NXPE2: variants seen among roughly 807,000 people sequenced by gnomAD.
The protein encoded by NXPE2 is neurexophilin and PC-esterase domain family member 2.
In NXPE2, 34 loss-of-function variants were observed where a neutral mutation model predicts 34.4. The observed-to-expected ratio is 0.99, with a 90% CI of 0.75 to 1.31. NXPE2 has a LOEUF of 1.31. Among genes scored for constraint, NXPE2 ranks in the 40% most tolerant of loss-of-function variants. The probability of loss-of-function intolerance (pLI) is 0.00; values close to 1 mark genes in which losing one functional copy is unlikely to be tolerated. For synonymous variants in NXPE2, 235 were observed against 231.3 expected, an observed-to-expected ratio of 1.02 and a Z score of -0.15; for missense variants, 649 against 672.5, an observed-to-expected ratio of 0.97 and a Z score of 0.39.
chr11:114,754,266 C>T, the NXPE2 span, among the ~76,000 whole-genome samples: 1 of 152,094 alleles, frequency 6.6e-6, no homozygotes, highest in African/African-American at 2.4e-5. Flanking sequence ...CTGGGCATCC[C>T]TGACCTCAAA....
chr11:114,570,855 A>G, the NXPE2 span: 1 of 953,422 alleles, frequency 1.0e-6, no homozygotes, highest in Non-Finnish European at 1.5e-6. Context: ...GGGAATTCAG[A>G]GCCAAACACA....
the NXPE2 span, among the ~76,000 whole-genome samples, chr11:114,493,248 C>G: frequency 6.6e-6 from 1 of 151,960 alleles, no homozygotes; most frequent in African/African-American, 2.4e-5. Context: ...ATTATTTTGT[C>G]TTTTTGTTTT....
chr11:114,785,368 C>T, the NXPE2 span, among the ~76,000 whole-genome samples: 2 of 152,122 alleles, frequency 1.3e-5, no homozygotes, highest in East Asian at 1.9e-4. Context: ...TCTACCTGCT[C>T]TTTCCTTGAC....
chr11:114,636,044 C>G, the NXPE2 span, among the ~76,000 whole-genome samples: 1 of 151,870 alleles, frequency 6.6e-6, no homozygotes, highest in Non-Finnish European at 1.5e-5. Context: ...GGAACGGTAC[C>G]AGTTCCTCCT....
chr11:114,659,297 C>A, the NXPE2 span, among the ~76,000 whole-genome samples: 1 of 151,924 alleles, frequency 6.6e-6, no homozygotes, highest in Non-Finnish European at 1.5e-5. Flanking sequence ...TCAGAGATGA[C>A]CAAATGTTGG....
the NXPE2 span, among the ~76,000 whole-genome samples, chr11:114,745,506 C>T: frequency 6.6e-6 from 1 of 152,184 alleles, no homozygotes; most frequent in African/African-American, 2.4e-5. Flanking sequence ...CCAGGCCCAC[C>T]TCCAATACTG....
At chr11:114,661,652 G>C in the NXPE2 span, among the ~76,000 whole-genome samples, 1 of 152,186 alleles carries the variant, frequency 6.6e-6, no homozygotes, top group South Asian at 2.1e-4. Context: ...CTTTATCTCA[G>C]GATTTTGCAT....
chr11:114,583,892 A>T, the NXPE2 span: 2 of 393,614 alleles, frequency 5.1e-6, no homozygotes, highest in Admixed American at 3.2e-5. Context: ...CTTATGGGTT[A>T]TTGGGGCTGG....
At chr11:114,721,423 A>G in the NXPE2 span, among the ~76,000 whole-genome samples, 5 of 152,094 alleles carry the variant, frequency 3.3e-5, no homozygotes, top group East Asian at 5.8e-4. Flanking sequence ...TTGTAACTAT[A>G]TGGATACAAC....
chr11:114,666,955 G>A, the NXPE2 span, among the ~76,000 whole-genome samples: 1 of 152,030 alleles, frequency 6.6e-6, no homozygotes, highest in African/African-American at 2.4e-5. Context: ...ACACACATAT[G>A]TCCACACCCA....
the NXPE2 span, among the ~76,000 whole-genome samples, chr11:114,516,347 T>G: frequency 0.98 from 148,460 of 152,232 alleles, 72,418 homozygotes; most frequent in East Asian, 1. Context: ...AGTAGGAGTC[T>G]CAAGTTAAGA....
the NXPE2 span, among the ~76,000 whole-genome samples, chr11:114,773,288 C>CCA: frequency 1.0e-5 from 1 of 95,870 alleles, no homozygotes; most frequent in Non-Finnish European, 2.2e-5. Flanking sequence ...CACCCCCCCC[C>CCA]CACCCCATTC....
the NXPE2 span, among the ~76,000 whole-genome samples, chr11:114,499,085 A>C: frequency 6.6e-6 from 1 of 152,102 alleles, no homozygotes; most frequent in Non-Finnish European, 1.5e-5. Flanking sequence ...ATCCAGATGA[A>C]CTGTTTTCTC....
At position 114,698,140 on chromosome 11, in the gene NXPE2, AC is replaced by A; in HGVS notation, c.230del (p.Pro77GlnfsTer8). The A allele has an allele frequency of 6.2e-7, 1 of 1,614,150 alleles. No homozygotes were observed. Among genetic ancestry groups the A allele is most frequent in the African/African-American group, 1.3e-5 (1 of 75,070 alleles). On this transcript the variant is annotated frameshift_variant, in exon 3 of 6. Transcript: ENST00000389586. LOFTEE classifies it high-confidence loss of function. ...SETPLCPAVS[P>X]KETELRIKDI... ...AAACACCACTGTGTCCAGCAGTTTC[AC>A]CAAAAGAGACTGAACTTAGAATAAA...
chr11:114,669,156 C>G, the NXPE2 span, among the ~76,000 whole-genome samples: 1 of 152,072 alleles, frequency 6.6e-6, no homozygotes, highest in Non-Finnish European at 1.5e-5. Context: ...GGACCCTCTC[C>G]CCAGTGGAAC....
At position 114,698,283 on chromosome 11, in the gene NXPE2, G is replaced by T; in HGVS notation, c.371G>T (p.Cys124Phe). 1 of 1,613,568 alleles carries T rather than the reference G, an allele frequency of 6.2e-7. No homozygotes were observed. Among genetic ancestry groups the T allele is most frequent in the African/African-American group, 1.3e-5 (1 of 75,048 alleles). The change falls in exon 3 of 6, where the codon TGC becomes TTC. Residue 124 changes from cysteine to phenylalanine, a missense_variant. Physicochemically the swap from Cys to Phe is radical, Grantham distance 205. Transcript: ENST00000389586. ...ATCCTCAACCCTCAAGATACGTACT[G>T]CAGGGGGGATCAGCTGGACATCCTT... ...ATILNPQDTY[C>F]RGDQLDILLE... is the part of the protein sequence containing the mutation.
the NXPE2 span, among the ~76,000 whole-genome samples, chr11:114,548,496 A>G: frequency 1.3e-5 from 2 of 152,138 alleles, no homozygotes; most frequent in Non-Finnish European, 2.9e-5. Flanking sequence ...GGTATTTAAT[A>G]GAGATTTATG....
the NXPE2 span, chr11:114,551,443 T>C: frequency 1.6e-6 from 2 of 1,247,090 alleles, no homozygotes. Flanking sequence ...TCCAGGACCC[T>C]GAAATGGAAG....
At chr11:114,522,268 G>T in the NXPE2 span, 3 of 1,614,070 alleles carry the variant, frequency 1.9e-6, 1 homozygote, top group South Asian at 3.3e-5. Context: ...GAATAAAAAT[G>T]TCAATGGGAA....
Sources: allele counts gnomAD v4.1 joint callset (sites outside exome capture counted in the v4.1 genomes callset), GRCh38; gene constraint gnomAD v4.1.1; transcripts MANE v1.5; gene names NCBI Gene and HGNC (gene_info 2026-07-23, HGNC 2026-07-21).